The following MMP16 variants were observed in gnomAD, a reference collection of about 807,000 sequenced individuals.
MMP16 encodes matrix metalloproteinase-16.
MMP16 carries 12 observed loss-of-function variants against 67.8 expected under a neutral mutation model. The ratio of observed to expected loss-of-function variants is 0.18; its 90% CI spans 0.11 to 0.29. The LOEUF (loss-of-function observed/expected upper bound fraction) is 0.29. Among genes scored for constraint, MMP16 ranks in the 10% least tolerant of loss-of-function variants. The probability of loss-of-function intolerance (pLI) is 1.00; values close to 1 mark genes in which losing one functional copy is unlikely to be tolerated. For missense variants in MMP16, 475 were observed against 765.7 expected (o/e 0.62, Z 4.48); for synonymous variants, 249 against 255.9 (o/e 0.97, Z 0.26).
chr8:88,057,608 T>C (rs1189532373), intron 7 of MMP16, among the ~76,000 whole-genome samples: 1 of 152,096 alleles, frequency 6.6e-6, no homozygotes, highest in Non-Finnish European at 1.5e-5. Context: ...AAACCGTAGC[T>C]TTCATGTAAT....
At chr8:88,072,427 G>A (rs1055654873) in intron 7 of MMP16, among the ~76,000 whole-genome samples, 2 of 152,186 alleles carry the variant, frequency 1.3e-5, no homozygotes, top group South Asian at 2.1e-4. Context: ...GTCATAGCTG[G>A]GCTTTGAGAG....
intron 6 of MMP16, among the ~76,000 whole-genome samples, chr8:88,094,835 C>G (rs1258960923): frequency 6.6e-6 from 1 of 151,748 alleles, no homozygotes; most frequent in Non-Finnish European, 1.5e-5. Context: ...AGGTTTTACT[C>G]TGTGTGTTAT....
At chr8:88,052,089 A>G (rs1460891826) in intron 8 of MMP16, among the ~76,000 whole-genome samples, 2 of 152,176 alleles carry the variant, frequency 1.3e-5, no homozygotes, top group African/African-American at 2.4e-5. Flanking sequence ...CCTGCTTTCA[A>G]TACCATTTAT....
intron 1 of MMP16, among the ~76,000 whole-genome samples, chr8:88,210,354 C>G (rs921325975): frequency 1.3e-5 from 2 of 152,176 alleles, no homozygotes; most frequent in African/African-American, 4.8e-5. Flanking sequence ...TTATTCAACA[C>G]AGTAGGGTCA....
intron 1 of MMP16, among the ~76,000 whole-genome samples, chr8:88,285,635 A>C (rs921076595): frequency 6.6e-6 from 1 of 152,040 alleles, no homozygotes; most frequent in Non-Finnish European, 1.5e-5. Flanking sequence ...AAGAGATAAA[A>C]CTTTTGATGA....
At chr8:88,163,456 T>C (rs1586184128) in intron 4 of MMP16, among the ~76,000 whole-genome samples, 1 of 152,042 alleles carries the variant, frequency 6.6e-6, no homozygotes, top group East Asian at 1.9e-4. Context: ...GCAGTGAACT[T>C]CCTGACAGTA....
At position 88,116,597 on chromosome 8, in the gene MMP16, G is replaced by T; in HGVS notation, c.993C>A (p.Gly331=). Residue 331 remains glycine (G), a synonymous_variant, in exon 6 of 10, where the codon GGC becomes GGA. Coordinates refer to ENST00000286614, the MANE Select transcript of MMP16 (RefSeq NM_005941.5). The stretch of plus-strand genomic sequence containing the variant: ...GTTTGGCTCCGGGATAGGAGGGTCT[G>T]CCGGTTGGAGGCCGAGGAGGTTTTG... ...DRPKPPRPPT[G]RPSYPGAKPN... 1 of 1,613,844 alleles carries T rather than the reference G, an allele frequency of 6.2e-7. No individual in the cohort carries two copies.
Position 88,139,608 on chromosome 8 carries a change from C to T in MMP16, c.710-20747G>A, listed in dbSNP as rs28907602. 2.2e-3 allele frequency among the ~76,000 whole-genome samples: 330 copies of T among 152,048 alleles called. 1 individual carries two copies. Among genetic ancestry groups the T allele is most frequent in the African/African-American group, 7.6e-3 (316 of 41,504 alleles). On this transcript the variant is annotated intron_variant, in intron 4 of 9. Transcript: ENST00000286614. Reference sequence around the variant, plus strand: ...GCAGGGATAATTGCCAGTTTTTTTACCCTCTTCTTTATTTTCTGATATGAG... The same window carrying T: ...GCAGGGATAATTGCCAGTTTTTTTATCCTCTTCTTTATTTTCTGATATGAG...
At chr8:88,208,843 G>T (rs73694269) in intron 1 of MMP16, among the ~76,000 whole-genome samples, 1,534 of 140,014 alleles carry the variant, frequency 0.011, 27 homozygotes, top group African/African-American at 0.037. Flanking sequence ...AGGAAGAAAA[G>T]AAAAAAAAAT....
chr8:88,145,090 A>T (rs1354116986), intron 4 of MMP16, among the ~76,000 whole-genome samples: 3 of 151,988 alleles, frequency 2.0e-5, no homozygotes, highest in Non-Finnish European at 4.4e-5. Flanking sequence ...AAGTCTCTAG[A>T]ACAGTCACAT....
Position 88,130,701 on chromosome 8 carries a change from T to C in MMP16, c.710-11840A>G, listed in dbSNP as rs528579568. ...GAATTTCAAATGTTCTGAGGAATGT[T>C]TTCTTTCTAGGATACATGACTTGGA... On this transcript the variant is annotated intron_variant, in intron 4 of 9. Transcript: ENST00000286614. Among the ~76,000 whole-genome samples the C allele has an allele frequency of 5.3e-5, 8 of 151,790 alleles. No homozygotes were observed. The East Asian group carries it at 1.6e-3, about 30-fold the overall frequency.
chr8:88,148,406 T>G (rs576191387), intron 4 of MMP16, among the ~76,000 whole-genome samples: 109 of 152,354 alleles, frequency 7.2e-4, no homozygotes, highest in African/African-American at 2.4e-3. Context: ...AACTTCTATT[T>G]GCATGATAGC....
intron 6 of MMP16, among the ~76,000 whole-genome samples, chr8:88,088,554 T>G (rs1025081879): frequency 6.6e-6 from 1 of 151,986 alleles, no homozygotes; most frequent in Admixed American, 6.6e-5. Flanking sequence ...CCTGAAAGAT[T>G]CCTAAGTGAC....
intron 6 of MMP16, among the ~76,000 whole-genome samples, chr8:88,075,952 C>CACACACACACACACACACAA (rs1808642955): frequency 6.6e-6 from 1 of 150,872 alleles, no homozygotes; most frequent in South Asian, 2.1e-4. Context: ...CACACACACA[C>CACACACACACACACACACAA]ACACACACAC....
At chr8:88,103,716 T>A (rs1351687239) in intron 6 of MMP16, among the ~76,000 whole-genome samples, 1 of 151,826 alleles carries the variant, frequency 6.6e-6, no homozygotes, top group Non-Finnish European at 1.5e-5. Flanking sequence ...TCTCACATGA[T>A]ATAATTTAAC....
intron 4 of MMP16, among the ~76,000 whole-genome samples, chr8:88,149,523 G>T (rs13253329): frequency 2.0e-5 from 3 of 152,080 alleles, no homozygotes; most frequent in Non-Finnish European, 4.4e-5. Flanking sequence ...TGAGAACGGG[G>T]GGACTGCCTC....
intron 1 of MMP16, among the ~76,000 whole-genome samples, chr8:88,294,075 TCTAA>T (rs1308033204): frequency 6.6e-6 from 1 of 152,018 alleles, no homozygotes; most frequent in African/African-American, 2.4e-5. Context: ...CATTTGCATG[TCTAA>T]CTGACTATCT....
chr8:88,162,992 CTCAAATA>C (rs1244786962), intron 4 of MMP16, among the ~76,000 whole-genome samples: 1 of 151,972 alleles, frequency 6.6e-6, no homozygotes, highest in Non-Finnish European at 1.5e-5. Flanking sequence ...TCTTTCTTTC[CTCAAATA>C]TCAAAGTTCA....
intron 3 of MMP16, among the ~76,000 whole-genome samples, chr8:88,169,132 G>A (rs1348561140): frequency 6.6e-6 from 1 of 152,046 alleles, no homozygotes; most frequent in Non-Finnish European, 1.5e-5. Flanking sequence ...GTTAAATTAT[G>A]GCATCTCTAA....
Sources: gnomAD v4.1 joint callset for allele counts (sites outside exome capture counted in the v4.1 genomes callset) on GRCh38, gnomAD v4.1.1 for gene constraint, MANE v1.5 for transcripts, NCBI Gene and HGNC (gene_info 2026-07-23, HGNC 2026-07-21) for gene names.